The following EGLN1 variants were observed in gnomAD, a reference collection of about 807,000 sequenced individuals.
The protein encoded by EGLN1 is egl-9 family hypoxia inducible factor 1.
Under a neutral mutation model 38.3 loss-of-function variants are expected in EGLN1, and 17 were observed. The ratio of observed to expected loss-of-function variants is 0.44; its 90% CI spans 0.30 to 0.67. The LOEUF (loss-of-function observed/expected upper bound fraction) is 0.67. Among genes scored for constraint, EGLN1 ranks in the 30% least tolerant of loss-of-function variants. EGLN1 has a pLI of 0.08. For synonymous variants in EGLN1, 283 were observed against 257.5 expected (o/e 1.10, Z -0.95); for missense variants, 477 against 603.3 (o/e 0.79, Z 2.19).
chr1:231,421,757 C>T lies in EGLN1; in HGVS notation c.132G>A (p.Lys44=), dbSNP rs1268535646. 1 of 1,553,574 alleles carries T rather than the reference C, an allele frequency of 6.4e-7. No individual in the cohort carries two copies. The highest frequency in any genetic ancestry group is 8.6e-7 in the Non-Finnish European group (1 of 1,159,008). ...TCTTCCAGTCCTGACGCTGGTGCTCCTTGCAGCAGTAGAAGGAGCTGCGGC... is the reference window on the plus strand; with the variant it reads ...TCTTCCAGTCCTGACGCTGGTGCTCTTTGCAGCAGTAGAAGGAGCTGCGGC... The part of the protein sequence containing the change: ...SRCRSSFYCC[K]EHQRQDWKKH... The change falls in exon 1 of 5, where the codon AAG becomes AAA. Residue 44 remains lysine, a synonymous_variant. Transcript: ENST00000366641. This position sits in a 1 kb window ranked among gnomAD's most constrained non-coding sequence, Gnocchi z 5.5.
rs747131134 is a variant in EGLN1 at position 231,366,058 on chromosome 1, G to A, written c.*353C>T. 5.4e-5 allele frequency: 14 copies of A among 259,478 alleles called. No homozygotes were observed. Among genetic ancestry groups the A allele is most frequent in the Admixed American group, 2.0e-4 (4 of 20,498 alleles). 16.1% of individuals were successfully genotyped at this position (259,478 alleles called of 1,614,324 possible). On this transcript the variant is annotated 3_prime_UTR_variant, in exon 5 of 5. Transcript: ENST00000366641. ...GAAAAATTATCCCAAATTCAAACTT[G>A]ATATAAAAAAGGGAGAGATGAAATG...
chr1:231,411,217 G>C lies in EGLN1; in HGVS notation c.891+9781C>G, dbSNP rs551973453. On this transcript the variant is annotated intron_variant, in intron 1 of 4. Transcript: ENST00000366641. Reference sequence around the variant, plus strand: ...TCCCTCATGCTGTTCTCATGATAGTGAGTTCTCATGAGATCTTATGTTAAA... The same window carrying C: ...TCCCTCATGCTGTTCTCATGATAGTCAGTTCTCATGAGATCTTATGTTAAA... 7.9e-5 allele frequency among the ~76,000 whole-genome samples: 12 copies of C among 152,210 alleles called. No individual in the cohort carries two copies. In the South Asian group the frequency reaches 2.5e-3, roughly 32 times the overall value.
chr1:231,396,115 T>A (rs1312286698), intron 1 of EGLN1, among the ~76,000 whole-genome samples: 1 of 151,900 alleles, frequency 6.6e-6, no homozygotes, highest in Non-Finnish European at 1.5e-5. Flanking sequence ...GTACTATTCA[T>A]CTTCTTGAAC....
chr1:231,383,173 A>T (rs1008425007), intron 1 of EGLN1, among the ~76,000 whole-genome samples: 1 of 151,198 alleles, frequency 6.6e-6, no homozygotes, highest in Non-Finnish European at 1.5e-5. Context: ...TTCCTAATAA[A>T]TTTTTTTTGT....
At chr1:231,419,993 C>A (rs1298540616) in intron 1 of EGLN1, among the ~76,000 whole-genome samples, 1 of 152,048 alleles carries the variant, frequency 6.6e-6, no homozygotes, top group Non-Finnish European at 1.5e-5. Flanking sequence ...GGCCTGGGAG[C>A]AGCCACAAAG....
At chr1:231,396,315 AG>A (rs1688529932) in intron 1 of EGLN1, among the ~76,000 whole-genome samples, 1 of 149,842 alleles carries the variant, frequency 6.7e-6, no homozygotes, top group Admixed American at 6.7e-5. Flanking sequence ...ATGCAGTGGC[AG>A]GATCTCGGCT....
At chr1:231,377,382 A>T (rs1018649459) in intron 1 of EGLN1, among the ~76,000 whole-genome samples, 1 of 152,230 alleles carries the variant, frequency 6.6e-6, no homozygotes, top group Non-Finnish European at 1.5e-5. Flanking sequence ...TAGCTATTAA[A>T]GTTTCCGGGC....
rs1656616485 is a variant in EGLN1 at position 231,421,633 on chromosome 1, GCGGCGGCACTGCAGC to G, written c.241_255del (p.Ala81_Pro85del). On this transcript the variant is annotated inframe_deletion, in exon 1 of 5. Coordinates refer to ENST00000366641, the MANE Select transcript of EGLN1 (RefSeq NM_022051.3). This position sits in a 1 kb window ranked among gnomAD's most constrained non-coding sequence, Gnocchi z 5.5. ...CTGGGCTCCCGGGCCCCGGCCCTGG[GCGGCGGCACTGCAGC>G]CGGCGGCGCGGGGCCGGAATGCTGG... 1.1e-5 allele frequency: 16 copies of G among 1,433,574 alleles called. No homozygotes were observed. The highest frequency in any genetic ancestry group is 1.5e-5 in the Non-Finnish European group (16 of 1,096,932). The allele number at this position is 1,433,574 out of a possible 1,614,324, so 88.8% of individuals were successfully genotyped here.
At chr1:231,403,563 G>C (rs1295577790) in intron 1 of EGLN1, among the ~76,000 whole-genome samples, 1 of 151,866 alleles carries the variant, frequency 6.6e-6, no homozygotes, top group Non-Finnish European at 1.5e-5. Flanking sequence ...CTGAGGTTGG[G>C]AGTTCAAGAC....
At chr1:231,376,304 C>CT (rs1687956703) in intron 1 of EGLN1, among the ~76,000 whole-genome samples, 1 of 152,160 alleles carries the variant, frequency 6.6e-6, no homozygotes, top group African/African-American at 2.4e-5. Flanking sequence ...TGAATCATCC[C>CT]TTTGTCCAGC....
chr1:231,391,105 T>TGTGTGA (rs1688368715), intron 1 of EGLN1, among the ~76,000 whole-genome samples: 1 of 146,204 alleles, frequency 6.8e-6, no homozygotes, highest in Non-Finnish European at 1.5e-5. Context: ...TGTGTGTGTG[T>TGTGTGA]GTGTGTGTGT....
intron 1 of EGLN1, among the ~76,000 whole-genome samples, chr1:231,418,096 TATA>T (rs3071891): frequency 0.27 from 40,949 of 151,968 alleles, 5,735 homozygotes; most frequent in East Asian, 0.39. Flanking sequence ...TTAAAATCAC[TATA>T]ATGTTATGAA....
intron 1 of EGLN1, among the ~76,000 whole-genome samples, chr1:231,407,444 T>C (rs1425240205): frequency 6.6e-6 from 1 of 152,206 alleles, no homozygotes. Flanking sequence ...TTTAGAAGCT[T>C]AAAATTTTGC....
intron 2 of EGLN1, among the ~76,000 whole-genome samples, chr1:231,371,089 C>T (rs1319197660): frequency 6.6e-6 from 1 of 152,136 alleles, no homozygotes; most frequent in African/African-American, 2.4e-5. Flanking sequence ...GGGTTTTCAC[C>T]ATGTTGGCCA....
At position 231,422,089 on chromosome 1, in the gene EGLN1, C is replaced by G. The variant is rs1656653459; in HGVS notation, c.-201G>C. 2 of 441,064 alleles carry G rather than the reference C, an allele frequency of 4.5e-6. No individual in the cohort carries two copies. The highest frequency in any genetic ancestry group is 7.6e-6 in the Non-Finnish European group (2 of 264,800). The allele number at this position is 441,064 out of a possible 1,614,324, so 27.3% of individuals were successfully genotyped here. A position where few individuals can be genotyped will look rare whatever the true frequency, so the allele number is the denominator to read the frequency against. The stretch of plus-strand genomic sequence containing the variant: ...CGAGTCCTAAGCTCCGGCGCAGCGC[C>G]GGCAGCCGCCTCAGCGCCTCATCGC... On this transcript the variant is annotated 5_prime_UTR_variant, in exon 1 of 5. Transcript: ENST00000366641.
chr1:231,405,872 C>T (rs895341546), intron 1 of EGLN1, among the ~76,000 whole-genome samples: 5 of 152,038 alleles, frequency 3.3e-5, no homozygotes, highest in Non-Finnish European at 7.4e-5. Context: ...ATACTTTCTA[C>T]CAAAACTATC....
At chr1:231,376,641 A>G (rs1170008274) in intron 1 of EGLN1, among the ~76,000 whole-genome samples, 1 of 152,216 alleles carries the variant, frequency 6.6e-6, no homozygotes, top group African/African-American at 2.4e-5. Context: ...CTATTGTACT[A>G]TGAAATCTGG....
intron 3 of EGLN1, among the ~76,000 whole-genome samples, chr1:231,370,069 A>T (rs1687776736): frequency 2.0e-5 from 3 of 152,182 alleles, no homozygotes; most frequent in African/African-American, 7.2e-5. Flanking sequence ...TAACTCCCAC[A>T]CATGGTAACC....
At chr1:231,407,015 A>G (rs1688815735) in intron 1 of EGLN1, among the ~76,000 whole-genome samples, 1 of 152,184 alleles carries the variant, frequency 6.6e-6, no homozygotes, top group South Asian at 2.1e-4. Flanking sequence ...TCTGTGGTAA[A>G]TATTTCTTAG....
Sources: allele counts gnomAD v4.1 joint callset (sites outside exome capture counted in the v4.1 genomes callset), GRCh38; gene constraint gnomAD v4.1.1; non-coding constraint Gnocchi (gnomAD v3.1); transcripts MANE v1.5; gene names NCBI Gene and HGNC (gene_info 2026-07-23, HGNC 2026-07-21).